The following BRF1 variants were observed in gnomAD, a reference collection of about 807,000 sequenced individuals.
BRF1 encodes the protein transcription factor IIIB 90 kDa subunit.
In BRF1, 59 loss-of-function variants were observed where a neutral mutation model predicts 81.7. The ratio of observed to expected loss-of-function variants is 0.72; its 90% CI spans 0.59 to 0.90. The LOEUF is 0.90. BRF1 is among the 40% of genes least tolerant of loss of function. The pLI is 0.00. For synonymous variants in BRF1, 491 were observed against 395.6 expected, an observed-to-expected ratio of 1.24 and a Z score of -2.86; for missense variants, 1,050 against 936.3, an observed-to-expected ratio of 1.12 and a Z score of -1.58.
chr14:105,229,077 C>G (rs182253664), intron 6 of BRF1, among the ~76,000 whole-genome samples, 164 bp from the exon 7 acceptor site: 2 of 152,202 alleles, frequency 1.3e-5, no homozygotes, highest in Non-Finnish European at 2.9e-5. Context: ...TACTCCTGAA[C>G]GACATGACCC....
intron 2 of BRF1, among the ~76,000 whole-genome samples, chr14:105,274,831 T>G (rs2140419172): frequency 6.6e-6 from 1 of 152,304 alleles, no homozygotes; most frequent in Middle Eastern, 3.4e-3. Flanking sequence ...CTGCCCCCAC[T>G]TCTGTCTGCA....
chr14:105,285,732 G>A (rs979235855), intron 2 of BRF1, among the ~76,000 whole-genome samples: 4 of 152,124 alleles, frequency 2.6e-5, no homozygotes, highest in Non-Finnish European at 5.9e-5. Context: ...AAAAGAAAAT[G>A]AAAAGAACGC....
upstream of BRF1, among the ~76,000 whole-genome samples, chr14:105,304,241 C>T (rs146465914): frequency 4.8e-3 from 730 of 152,262 alleles, 7 homozygotes; most frequent in African/African-American, 0.017. Flanking sequence ...ACTGTAATCC[C>T]AGCACTTTGG....
intron 16 of BRF1, chr14:105,211,596 C>T (rs1037209316): frequency 3.5e-5 from 15 of 423,656 alleles, no homozygotes; most frequent in Non-Finnish European, 5.5e-5. Context: ...CCATAGGCCT[C>T]GGCCGAGGAC....
intron 5 of BRF1, among the ~76,000 whole-genome samples, chr14:105,244,880 T>C (rs938128168): frequency 4.0e-5 from 6 of 150,316 alleles, no homozygotes; most frequent in Admixed American, 1.3e-4. Flanking sequence ...CCAGGTATGA[T>C]AGAACAAAGA....
chr14:105,218,909 TC>T, intron 14 of BRF1, 88 bp downstream of exon 14: 1 of 1,579,640 alleles, frequency 6.3e-7, no homozygotes, highest in African/African-American at 1.4e-5. Flanking sequence ...GACCCTCCTG[TC>T]ACATGGGGAA....
Position 105,284,364 on chromosome 14 carries a change from G to A in BRF1, c.265+1932C>T, listed in dbSNP as rs2057235713. ...CGTAAGGATCCATCCACTCTGCTGT[G>A]AGGGATCATCGCAAGCCCAACTACC... On this transcript the variant is annotated intron_variant, in intron 2 of 17. Coordinates refer to ENST00000547530, the MANE Select transcript of BRF1 (RefSeq NM_001519.4). This position sits in a 1 kb window ranked among gnomAD's most constrained non-coding sequence, Gnocchi z 4.0. Among the ~76,000 whole-genome samples, 1 of 152,176 alleles carries A rather than the reference G, an allele frequency of 6.6e-6. No individual in the cohort carries two copies. Among genetic ancestry groups the A allele is most frequent in the East Asian group, 1.9e-4 (1 of 5,192 alleles).
At chr14:105,221,583 A>T in intron 11 of BRF1, 65 bp downstream of exon 11, 1 of 1,560,056 alleles carries the variant, frequency 6.4e-7, no homozygotes, top group African/African-American at 1.4e-5. Flanking sequence ...TCTCCCCATG[A>T]GAGGCACACG....
chr14:105,212,436 C>T (rs1290229292), intron 15 of BRF1: 3 of 444,872 alleles, frequency 6.7e-6, no homozygotes, highest in African/African-American at 6.0e-5. Flanking sequence ...ACTCCCCTTC[C>T]AACAGTGCCT....
chr14:105,290,218 G>A (rs1422413825), intron 1 of BRF1, among the ~76,000 whole-genome samples: 1 of 151,984 alleles, frequency 6.6e-6, no homozygotes, highest in Non-Finnish European at 1.5e-5. Flanking sequence ...TTGGGAGTTC[G>A]AGACCAGCCT....
intron 3 of BRF1, among the ~76,000 whole-genome samples, chr14:105,264,377 A>G (rs2056301076): frequency 6.6e-6 from 1 of 151,936 alleles, no homozygotes; most frequent in African/African-American, 2.4e-5. Context: ...TCTATAAAAA[A>G]TTGATGGCCA....
At chr14:105,289,622 T>C (rs1178913467) in intron 1 of BRF1, among the ~76,000 whole-genome samples, 1 of 152,208 alleles carries the variant, frequency 6.6e-6, no homozygotes, top group Non-Finnish European at 1.5e-5. Flanking sequence ...GAGTTCTTTG[T>C]TTTGTGAGCA....
At chr14:105,302,710 C>T (rs749671541), upstream of BRF1, among the ~76,000 whole-genome samples, 360 of 152,276 alleles carry the variant, frequency 2.4e-3, no homozygotes, top group Non-Finnish European at 4.1e-3. Flanking sequence ...CTCAGCCTCC[C>T]GAGTAGCTGG....
chr14:105,216,870 C>A (rs1891411163), intron 15 of BRF1, among the ~76,000 whole-genome samples: 1 of 152,170 alleles, frequency 6.6e-6, no homozygotes, highest in African/African-American at 2.4e-5. Flanking sequence ...AGAAGCTAAG[C>A]CGCCAACCCC....
At chr14:105,228,700 C>G (rs1040069819) in intron 7 of BRF1, 120 bp downstream of exon 7, 2 of 1,174,434 alleles carry the variant, frequency 1.7e-6, no homozygotes, top group East Asian at 4.7e-5. Context: ...TAGGTCCTGG[C>G]CAGCAGCCAG....
At chr14:105,213,402 A>G (rs1250519472) in intron 15 of BRF1, 1 of 141,204 alleles carries the variant, frequency 7.1e-6, no homozygotes, top group African/African-American at 3.0e-5. Flanking sequence ...GCTCAAGGAG[A>G]GGTAGTTTTT....
intron 1 of BRF1, among the ~76,000 whole-genome samples, chr14:105,290,256 C>G (rs1318890633): frequency 1.3e-5 from 2 of 152,010 alleles, no homozygotes. Flanking sequence ...CCCGTGTCTA[C>G]TAAAAATATG....
rs45540537 is a variant in BRF1, at chr14:105,247,391, G to T, written c.544+5116C>A. The T allele has an allele frequency of 7.8e-3, 7,655 of 985,408 alleles. 74 individuals are homozygous for T. Among genetic ancestry groups the T allele is most frequent in the South Asian group, 0.05 (1,062 of 21,282 alleles). 61.0% of individuals were successfully genotyped at this position (985,408 alleles called of 1,614,324 possible). A position where few individuals can be genotyped will look rare whatever the true frequency, so the allele number is the denominator to read the frequency against. ...CGGGCACCCCATTCCTGGGAGAAATGATGATTTGTGCACTCTGGGCCATTG... is the reference window on the plus strand; with the variant it reads ...CGGGCACCCCATTCCTGGGAGAAATTATGATTTGTGCACTCTGGGCCATTG... On this transcript the variant is annotated intron_variant, in intron 5 of 17. Transcript: ENST00000547530.
intron 5 of BRF1, chr14:105,248,506 C>A: frequency 3.2e-5 from 31 of 977,814 alleles, no homozygotes; most frequent in Non-Finnish European, 3.6e-5. Context: ...CGCGAGGCAG[C>A]GACGTCGCGC....
Sources: gnomAD v4.1 joint callset for allele counts (sites outside exome capture counted in the v4.1 genomes callset) on GRCh38, gnomAD v4.1.1 for gene constraint, Gnocchi (gnomAD v3.1) non-coding constraint, MANE v1.5 for transcripts, NCBI Gene and HGNC (gene_info 2026-07-23, HGNC 2026-07-21) for gene names.